Variants in PRKG1 observed in about 807,000 individuals in gnomAD.
PRKG1 encodes cGMP-dependent protein kinase 1.
A neutral mutation model predicts 88.1 loss-of-function variants in PRKG1; 35 were observed. That is an observed-to-expected ratio of 0.40 (90% CI 0.30 to 0.53). PRKG1 has a LOEUF of 0.53. Ranked by LOEUF, PRKG1 falls within the 20% of genes least tolerant of loss-of-function variation. The pLI is 0.59. For missense variants in PRKG1, 540 were observed against 839.8 expected, an observed-to-expected ratio of 0.64 and a Z score of 4.41; for synonymous variants, 303 against 292.5, an observed-to-expected ratio of 1.04 and a Z score of -0.37.
chr10:51,540,003 C>T (rs1842260736), intron 3 of PRKG1, among the ~76,000 whole-genome samples: 1 of 152,088 alleles, frequency 6.6e-6, no homozygotes, highest in South Asian at 2.1e-4. Context: ...AAATATGTTT[C>T]TTATTAGCTC....
Position 51,900,692 on chromosome 10 carries a change from C to T in PRKG1, c.699-6815C>T, listed in dbSNP as rs562658644. Among the ~76,000 whole-genome samples the T allele has an allele frequency of 5.3e-5, 8 of 152,228 alleles. No homozygotes were observed. In the South Asian group the frequency reaches 1.7e-3, roughly 32 times the overall value. On this transcript the variant is annotated intron_variant, in intron 4 of 17. Coordinates refer to ENST00000373980, the MANE Select transcript of PRKG1 (RefSeq NM_006258.4). ...GTTTGAATTTTATCATAGGCAAAAA[C>T]CACTGTCTGTTATTGCCCTTTAAGT...
At chr10:52,175,590 ATTC>A (rs1160062076) in intron 9 of PRKG1, among the ~76,000 whole-genome samples, 1 of 151,964 alleles carries the variant, frequency 6.6e-6, no homozygotes, top group Non-Finnish European at 1.5e-5. Flanking sequence ...CATAGTGGAT[ATTC>A]TAGTTTACAT....
intron 3 of PRKG1, among the ~76,000 whole-genome samples, chr10:51,477,918 A>G (rs1840244080): frequency 6.6e-6 from 1 of 152,100 alleles, no homozygotes; most frequent in African/African-American, 2.4e-5. Context: ...TAACTTGTAC[A>G]TGAGGCACTG....
At chr10:51,125,693 A>T (rs1442959421) in intron 1 of PRKG1, among the ~76,000 whole-genome samples, 2 of 147,596 alleles carry the variant, frequency 1.4e-5, no homozygotes, top group Middle Eastern at 3.5e-3. Context: ...AAAAAAAAAA[A>T]TTATTTATTT....
chr10:51,779,019 A>T (rs1052011295), intron 3 of PRKG1, among the ~76,000 whole-genome samples: 4 of 152,182 alleles, frequency 2.6e-5, no homozygotes, highest in African/African-American at 9.7e-5. Context: ...CAGAATGAAG[A>T]TGGAGAAACA....
intron 2 of PRKG1, among the ~76,000 whole-genome samples, chr10:51,308,473 A>C (rs1326388445): frequency 1.3e-5 from 2 of 152,204 alleles, no homozygotes; most frequent in Non-Finnish European, 2.9e-5. Context: ...ATTGCTCAGT[A>C]AGCAGTTAGC....
intron 5 of PRKG1, among the ~76,000 whole-genome samples, chr10:51,914,430 T>C (rs900653647): frequency 3.3e-5 from 5 of 152,180 alleles, no homozygotes; most frequent in Admixed American, 2.6e-4. Flanking sequence ...CCGAACTTTA[T>C]TGAAAACACC....
intron 5 of PRKG1, among the ~76,000 whole-genome samples, chr10:52,042,621 TA>T (rs1245422012): frequency 1.3e-5 from 2 of 152,130 alleles, no homozygotes; most frequent in African/African-American, 4.8e-5. Flanking sequence ...ATGAAAGTAC[TA>T]GAAGAACATA....
At chr10:51,460,205 C>A (rs1368651738) in intron 2 of PRKG1, among the ~76,000 whole-genome samples, 1 of 151,968 alleles carries the variant, frequency 6.6e-6, no homozygotes, top group African/African-American at 2.4e-5. Flanking sequence ...AAAATTGCCC[C>A]CAGTTGAGAT....
At chr10:51,196,934 A>G (rs1019514965) in intron 2 of PRKG1, among the ~76,000 whole-genome samples, 1 of 152,198 alleles carries the variant, frequency 6.6e-6, no homozygotes, top group African/African-American at 2.4e-5. Context: ...TAGTGTGTAG[A>G]GATATATTTC....
At chr10:51,039,474 C>T (rs536540679) in intron 1 of PRKG1, among the ~76,000 whole-genome samples, 1 of 152,202 alleles carries the variant, frequency 6.6e-6, no homozygotes, top group South Asian at 2.1e-4. Context: ...CTTATATATT[C>T]TGGTTATTAA....
intron 2 of PRKG1, among the ~76,000 whole-genome samples, chr10:51,300,231 G>C (rs1915680): frequency 0.36 from 55,090 of 152,042 alleles, 11,610 homozygotes; most frequent in African/African-American, 0.6. Flanking sequence ...GGTGAATGAG[G>C]CACTGCACAC....
At chr10:52,147,153 C>T (rs893673938) in intron 8 of PRKG1, among the ~76,000 whole-genome samples, 1 of 152,128 alleles carries the variant, frequency 6.6e-6, no homozygotes, top group Non-Finnish European at 1.5e-5. Flanking sequence ...AATAAACTTC[C>T]TCTGAAATGT....
intron 3 of PRKG1, among the ~76,000 whole-genome samples, chr10:51,776,885 C>T (rs1838453584): frequency 6.6e-6 from 1 of 151,976 alleles, no homozygotes. Context: ...TATGATGAGG[C>T]AAGAGCAAAC....
At chr10:52,002,254 G>A (rs920762636) in intron 5 of PRKG1, among the ~76,000 whole-genome samples, 1 of 152,010 alleles carries the variant, frequency 6.6e-6, no homozygotes, top group African/African-American at 2.4e-5. Context: ...TGCAAATTCT[G>A]TTTATTATTA....
chr10:51,766,915 C>A (rs1838179183), intron 3 of PRKG1, among the ~76,000 whole-genome samples: 1 of 152,134 alleles, frequency 6.6e-6, no homozygotes, highest in Admixed American at 6.6e-5. Context: ...CCTTTCTCTG[C>A]CTGCTCTGCC....
chr10:52,004,367 A>T (rs1844676790), intron 5 of PRKG1, among the ~76,000 whole-genome samples: 1 of 152,232 alleles, frequency 6.6e-6, no homozygotes, highest in Non-Finnish European at 1.5e-5. Context: ...GTTGATAAAC[A>T]GGTAGAAATT....
chr10:51,846,570 C>T (rs192538961), intron 4 of PRKG1, among the ~76,000 whole-genome samples: 115 of 152,226 alleles, frequency 7.6e-4, no homozygotes, highest in Non-Finnish European at 1.0e-3. Context: ...CTTTTTCTGC[C>T]ACTATATTAA....
At chr10:52,116,242 T>A (rs1439411546) in intron 7 of PRKG1, among the ~76,000 whole-genome samples, 5 of 152,122 alleles carry the variant, frequency 3.3e-5, no homozygotes, top group African/African-American at 1.2e-4. Flanking sequence ...TAGGCCAAAT[T>A]TAAATTAACA....
Sources: allele counts gnomAD v4.1 joint callset (sites outside exome capture counted in the v4.1 genomes callset), GRCh38; gene constraint gnomAD v4.1.1; transcripts MANE v1.5; gene names NCBI Gene and HGNC (gene_info 2026-07-23, HGNC 2026-07-21).